Variants in TACC2 observed in about 807,000 individuals in gnomAD.
TACC2 encodes transforming acidic coiled-coil-containing protein 2.
A neutral mutation model predicts 227.3 loss-of-function variants in TACC2; 137 were observed. The observed-to-expected ratio is 0.60, with a 90% CI of 0.52 to 0.69. The LOEUF (loss-of-function observed/expected upper bound fraction) is 0.69. TACC2 is among the 30% of genes least tolerant of loss of function. The probability of loss-of-function intolerance (pLI) is 0.00; values close to 1 mark genes in which losing one functional copy is unlikely to be tolerated. For missense variants in TACC2, 3,470 were observed against 3,694.4 expected, an observed-to-expected ratio of 0.94 and a Z score of 1.57; for synonymous variants, 1,523 against 1,487.5, an observed-to-expected ratio of 1.02 and a Z score of -0.55.
At chr10:122,219,898 C>T (rs1334674759) in intron 11 of TACC2, among the ~76,000 whole-genome samples, 1 of 151,948 alleles carries the variant, frequency 6.6e-6, no homozygotes, top group African/African-American at 2.4e-5. Context: ...ATTAGCTGGG[C>T]ATGGTGGTGG....
At chr10:122,063,493 G>A (rs1478610988) in intron 3 of TACC2, among the ~76,000 whole-genome samples, 4 of 152,168 alleles carry the variant, frequency 2.6e-5, no homozygotes, top group Non-Finnish European at 4.4e-5. Flanking sequence ...TGAATTAGGT[G>A]TGTGTCTGTT....
intron 7 of TACC2, among the ~76,000 whole-genome samples, chr10:122,168,483 T>A (rs1221846770): frequency 6.6e-6 from 1 of 152,234 alleles, no homozygotes; most frequent in Non-Finnish European, 1.5e-5. Flanking sequence ...CGTGGCCCTG[T>A]GCCTGTGTTC....
intron 3 of TACC2, among the ~76,000 whole-genome samples, chr10:122,060,772 A>C (rs2076698352): frequency 6.6e-6 from 1 of 152,202 alleles, no homozygotes; most frequent in South Asian, 2.1e-4. Flanking sequence ...TGGGAGGCCA[A>C]GGTGGGCGGA....
At chr10:122,013,496 A>G (rs1956195731) in intron 1 of TACC2, among the ~76,000 whole-genome samples, 1 of 152,316 alleles carries the variant, frequency 6.6e-6, no homozygotes, top group African/African-American at 2.4e-5. Context: ...CAGTCACTGG[A>G]GAAAGAAGCT....
At chr10:122,061,015 AAAAAGGGG>A (rs1277322325) in intron 3 of TACC2, among the ~76,000 whole-genome samples, 5 of 139,938 alleles carry the variant, frequency 3.6e-5, no homozygotes, top group Non-Finnish European at 7.6e-5. Context: ...AAAAAAAAAA[AAAAAGGGG>A]GGGGGGCCAG....
chr10:122,140,230 G>A (rs537540592), intron 6 of TACC2, among the ~76,000 whole-genome samples: 3 of 152,340 alleles, frequency 2.0e-5, no homozygotes, highest in Non-Finnish European at 2.9e-5. Context: ...TCTGTGTTGC[G>A]ATGGATTCTG....
At chr10:122,182,386 A>G (rs2093999991) in intron 7 of TACC2, among the ~76,000 whole-genome samples, 1 of 152,148 alleles carries the variant, frequency 6.6e-6, no homozygotes, top group Non-Finnish European at 1.5e-5. Flanking sequence ...TGCCTGATTA[A>G]AATTCCAGCT....
chr10:122,162,796 C>G (rs1486315631), intron 7 of TACC2, among the ~76,000 whole-genome samples: 1 of 152,100 alleles, frequency 6.6e-6, no homozygotes, highest in Non-Finnish European at 1.5e-5. Flanking sequence ...AGGCCCAGCC[C>G]GTGTTTAGAA....
At chr10:122,195,434 C>T (rs954617896) in intron 8 of TACC2, among the ~76,000 whole-genome samples, 1 of 152,144 alleles carries the variant, frequency 6.6e-6, no homozygotes, top group Non-Finnish European at 1.5e-5. Flanking sequence ...CAGTGGGTCT[C>T]GGAAGTTCAC....
At chr10:122,219,101 G>T (rs534889108) in intron 11 of TACC2, among the ~76,000 whole-genome samples, 26 of 151,490 alleles carry the variant, frequency 1.7e-4, no homozygotes, top group Middle Eastern at 3.4e-3. Flanking sequence ...GCCTCCTTTG[G>T]ATCCTTATTT....
chr10:122,030,644 C>G (rs1241779166), intron 2 of TACC2, among the ~76,000 whole-genome samples: 2 of 151,844 alleles, frequency 1.3e-5, no homozygotes, highest in Non-Finnish European at 2.9e-5. Flanking sequence ...AGATGTTTTT[C>G]TAGCTCTGCA....
intron 8 of TACC2, among the ~76,000 whole-genome samples, chr10:122,203,747 A>G (rs998307878): frequency 6.6e-6 from 1 of 151,698 alleles, no homozygotes; most frequent in African/African-American, 2.4e-5. Context: ...CTCACTTCCC[A>G]GACGGGGTGG....
chr10:122,145,763 C>T (rs1293351265), intron 7 of TACC2, among the ~76,000 whole-genome samples: 1 of 152,106 alleles, frequency 6.6e-6, no homozygotes. Flanking sequence ...ATCTCTGGTG[C>T]CTCCTGGCAC....
At chr10:122,047,332 A>G (rs191315746) in intron 2 of TACC2, among the ~76,000 whole-genome samples, 59 of 151,584 alleles carry the variant, frequency 3.9e-4, no homozygotes, top group Non-Finnish European at 7.1e-4. Context: ...TTCTTTGAAA[A>G]TGAAGATTAT....
chr10:122,162,082 C>T (rs904675506), intron 7 of TACC2, among the ~76,000 whole-genome samples: 9 of 152,294 alleles, frequency 5.9e-5, no homozygotes, highest in East Asian at 3.9e-4. Flanking sequence ...CCACCTTCCC[C>T]GCAAGATTGA....
chr10:121,991,996 A>G (rs1018465775), intron 1 of TACC2, among the ~76,000 whole-genome samples: 3 of 152,212 alleles, frequency 2.0e-5, no homozygotes, highest in African/African-American at 7.2e-5. Context: ...CTTATTCACT[A>G]TCATGAGAAC....
At chr10:122,091,644 G>C (rs745953711) in intron 5 of TACC2, among the ~76,000 whole-genome samples, 3 of 152,106 alleles carry the variant, frequency 2.0e-5, no homozygotes, top group Non-Finnish European at 4.4e-5. Context: ...TTTCTCTTGA[G>C]GCAGAGGCTC....
At chr10:122,046,514 A>T (rs1385764789) in intron 2 of TACC2, among the ~76,000 whole-genome samples, 2 of 152,022 alleles carry the variant, frequency 1.3e-5, no homozygotes, top group African/African-American at 4.8e-5. Flanking sequence ...AAAAAAAGAA[A>T]AAAAGAAAGA....
intron 6 of TACC2, among the ~76,000 whole-genome samples, chr10:122,138,706 T>C (rs2090072450): frequency 6.6e-6 from 1 of 152,214 alleles, no homozygotes; most frequent in South Asian, 2.1e-4. Flanking sequence ...CCTTTACATT[T>C]CTTCAGAGCC....
Sources: allele counts gnomAD v4.1 joint callset (sites outside exome capture counted in the v4.1 genomes callset), GRCh38; gene constraint gnomAD v4.1.1; transcripts MANE v1.5; gene names NCBI Gene and HGNC (gene_info 2026-07-23, HGNC 2026-07-21).